The following KAZN variants were observed in gnomAD, a reference collection of about 807,000 sequenced individuals.
KAZN encodes kazrin.
Under a neutral mutation model 87.4 loss-of-function variants are expected in KAZN, and 40 were observed. The ratio of observed to expected loss-of-function variants is 0.46; its 90% CI spans 0.36 to 0.60. KAZN has a LOEUF of 0.60. Ranked by LOEUF, KAZN falls within the 20% of genes least tolerant of loss-of-function variation. KAZN has a pLI of 0.00. For missense variants in KAZN, 898 were observed against 1,073.9 expected (o/e 0.84, Z 2.29); for synonymous variants, 466 against 458.3 (o/e 1.02, Z -0.22).
chr1:14,163,414 T>C (rs1175071369), intron 1 of KAZN, among the ~76,000 whole-genome samples: 2 of 152,202 alleles, frequency 1.3e-5, no homozygotes, highest in Admixed American at 1.3e-4. Context: ...CACAGTGGCC[T>C]GCCAGCACTT....
intron 8 of KAZN, among the ~76,000 whole-genome samples, chr1:15,079,208 A>C (rs972346690): frequency 1.3e-5 from 2 of 152,132 alleles, no homozygotes; most frequent in African/African-American, 4.8e-5. Flanking sequence ...CACAATGCCC[A>C]GTGTCCATAG....
At chr1:14,163,363 C>G (rs1227944515) in intron 1 of KAZN, among the ~76,000 whole-genome samples, 1 of 152,110 alleles carries the variant, frequency 6.6e-6, no homozygotes, top group Non-Finnish European at 1.5e-5. Flanking sequence ...GTTTGTGTTT[C>G]TTCTCTCTTG....
intron 1 of KAZN, among the ~76,000 whole-genome samples, chr1:14,180,199 C>G (rs896775586): frequency 2.6e-5 from 4 of 152,060 alleles, no homozygotes; most frequent in African/African-American, 9.7e-5. Context: ...AGGCTTTGCT[C>G]ACAAGTGTAT....
intron 2 of KAZN, chr1:14,304,682 C>T: frequency 7.5e-6 from 3 of 398,366 alleles, no homozygotes; most frequent in Non-Finnish European, 1.3e-5. Flanking sequence ...CAAATGCATT[C>T]CCAGGGGTAC....
Position 15,094,313 on chromosome 1 carries a change from G to A in KAZN, c.1356G>A (p.Gln452=), listed in dbSNP as rs765111743. The stretch of plus-strand genomic sequence containing the variant: ...CCCACTGGAAGGCGGGCACCGTCCA[G>A]GCCTGGCTGGAGGTGGTGATGGCCA... The part of the protein sequence containing the change: ...PMSHWKAGTV[Q]AWLEVVMAMP... Residue 452 remains glutamine (Q), a synonymous_variant, in exon 9 of 15, where the codon CAG becomes CAA. Transcript: ENST00000376030. This position sits in a 1 kb window ranked among gnomAD's most constrained non-coding sequence, Gnocchi z 4.5. 5.6e-6 allele frequency: 9 copies of A among 1,614,000 alleles called. No individual in the cohort carries two copies. The highest frequency in any genetic ancestry group is 1.6e-4 in the Middle Eastern group (1 of 6,062).
At chr1:14,600,256 T>C (rs1331184462) in intron 1 of KAZN, among the ~76,000 whole-genome samples, 1 of 152,212 alleles carries the variant, frequency 6.6e-6, no homozygotes, top group Non-Finnish European at 1.5e-5. Flanking sequence ...TCACTTGAAG[T>C]GCAAGGTACC....
At chr1:13,903,346 T>C (rs1433946877) in intron 1 of KAZN, among the ~76,000 whole-genome samples, 1 of 152,228 alleles carries the variant, frequency 6.6e-6, no homozygotes, top group Admixed American at 6.5e-5. Flanking sequence ...ACATGGAGTC[T>C]GGACTTTCAT....
rs560785819 is a variant in KAZN at position 14,685,012 on chromosome 1, A to G, written c.226+85789A>G. Among the ~76,000 whole-genome samples the G allele has an allele frequency of 9.6e-4, 147 of 152,340 alleles. 1 individual carries two copies. The South Asian group carries it at 0.011, about 12-fold the overall frequency. On this transcript the variant is annotated intron_variant, in intron 1 of 14. Transcript: ENST00000376030. ...TGTAACTGAAGTGCCATATTGTCCT[A>G]TGTGCTCCATCCCGAGAGTAAAACT...
At chr1:14,133,377 A>AGAAAG (rs1445931628) in intron 1 of KAZN, among the ~76,000 whole-genome samples, 2 of 72,060 alleles carry the variant, frequency 2.8e-5, no homozygotes, top group African/African-American at 7.3e-5. Context: ...AAAAAAAAAA[A>AGAAAG]AAAGAAAGAA....
At chr1:14,558,893 A>C (rs1427275104) in intron 2 of KAZN, among the ~76,000 whole-genome samples, 1 of 152,142 alleles carries the variant, frequency 6.6e-6, no homozygotes, top group African/African-American at 2.4e-5. Context: ...CCGCAGTCTC[A>C]TGGGGCATGG....
chr1:14,646,538 G>A (rs1255351619), intron 1 of KAZN, among the ~76,000 whole-genome samples: 1 of 152,166 alleles, frequency 6.6e-6, no homozygotes, highest in East Asian at 1.9e-4. Context: ...GTTGGGCTAT[G>A]GCAGGGTTTC....
intron 2 of KAZN, chr1:14,223,066 A>G (rs1647143426): frequency 6.6e-6 from 1 of 152,216 alleles, no homozygotes; most frequent in African/African-American, 2.4e-5. Flanking sequence ...AAGGAGAGGC[A>G]GACATGGAAG....
At chr1:14,293,999 G>A (rs1448662721) in intron 2 of KAZN, among the ~76,000 whole-genome samples, 3 of 152,156 alleles carry the variant, frequency 2.0e-5, no homozygotes, top group Non-Finnish European at 2.9e-5. Flanking sequence ...GGCTCTCAGT[G>A]CATTACATGA....
At chr1:14,841,003 C>A (rs1647905365) in intron 1 of KAZN, among the ~76,000 whole-genome samples, 2 of 152,176 alleles carry the variant, frequency 1.3e-5, no homozygotes, top group Non-Finnish European at 2.9e-5. Flanking sequence ...ATAGTGTAAG[C>A]ATGCACACAT....
At chr1:14,419,293 A>G (rs1365114242) in intron 2 of KAZN, among the ~76,000 whole-genome samples, 1 of 151,860 alleles carries the variant, frequency 6.6e-6, no homozygotes, top group East Asian at 1.9e-4. Flanking sequence ...ATAAAGCGCA[A>G]AAGAAAGAAA....
chr1:14,112,410 TCCC>T lies in KAZN; in HGVS notation c.92-68024_92-68022del, dbSNP rs1644519217. Among the ~76,000 whole-genome samples the T allele has an allele frequency of 5.1e-5, 4 of 77,820 alleles. 1 individual carries two copies. Among genetic ancestry groups the T allele is most frequent in the South Asian group, 4.4e-4 (1 of 2,288 alleles). 51.1% of individuals were successfully genotyped at this position (77,820 alleles called of 152,430 possible). ...TTGGGTGAGGAGCTGCCTGCATCCC[TCCC>T]ACTCCTCTTTGGCCACTGTGGGTTG... On this transcript the variant is annotated intron_variant, in intron 1 of 16. Transcript: ENST00000636203.
At chr1:14,230,655 C>T (rs1647731335) in intron 2 of KAZN, among the ~76,000 whole-genome samples, 2 of 152,112 alleles carry the variant, frequency 1.3e-5, no homozygotes, top group South Asian at 2.1e-4. Context: ...GTGCAAAGTT[C>T]TATTTCCACA....
intron 1 of KAZN, among the ~76,000 whole-genome samples, chr1:14,675,235 G>T (rs10803296): frequency 0.83 from 125,563 of 152,070 alleles, 52,060 homozygotes; most frequent in Middle Eastern, 0.88. Flanking sequence ...GCAGCAGGAT[G>T]GGGTTGTCTG....
At chr1:14,403,855 A>C (rs1663616589) in intron 2 of KAZN, among the ~76,000 whole-genome samples, 3 of 152,244 alleles carry the variant, frequency 2.0e-5, no homozygotes, top group Admixed American at 2.0e-4. Context: ...CATACCAAGG[A>C]AATCAAGGAT....
Sources: allele counts gnomAD v4.1 joint callset (sites outside exome capture counted in the v4.1 genomes callset), GRCh38; gene constraint gnomAD v4.1.1; non-coding constraint Gnocchi (gnomAD v3.1); transcripts MANE v1.5; gene names NCBI Gene and HGNC (gene_info 2026-07-23, HGNC 2026-07-21).